Variants in NPAS3 observed in about 807,000 individuals in gnomAD.
NPAS3 encodes the protein neuronal PAS domain-containing protein 3.
A neutral mutation model predicts 73.1 loss-of-function variants in NPAS3; 14 were observed. The observed-to-expected ratio is 0.19, with a 90% CI of 0.13 to 0.30. NPAS3 has a LOEUF of 0.30. NPAS3 is among the 10% of genes least tolerant of loss of function. NPAS3 has a pLI of 1.00. For synonymous variants in NPAS3, 620 were observed against 541.5 expected, an observed-to-expected ratio of 1.14 and a Z score of -2.01; for missense variants, 1,096 against 1,250.0, an observed-to-expected ratio of 0.88 and a Z score of 1.86.
At chr14:33,719,222 G>A (rs192587196) in intron 6 of NPAS3, among the ~76,000 whole-genome samples, 61 of 152,234 alleles carry the variant, frequency 4.0e-4, no homozygotes, top group African/African-American at 1.5e-3. Flanking sequence ...CCATATCTGT[G>A]GTCATCATCC....
intron 4 of NPAS3, among the ~76,000 whole-genome samples, chr14:33,527,240 C>T (rs2053841479): frequency 6.6e-6 from 1 of 152,120 alleles, no homozygotes; most frequent in African/African-American, 2.4e-5. Context: ...CAGGGGTGCT[C>T]CGAAGTGAGC....
At chr14:33,151,642 TTC>T (rs1181223136) in intron 2 of NPAS3, among the ~76,000 whole-genome samples, 1 of 152,214 alleles carries the variant, frequency 6.6e-6, no homozygotes, top group Non-Finnish European at 1.5e-5. Context: ...CAGTTATTTA[TTC>T]TTTTTGCTAT....
At chr14:33,598,819 G>A (rs531233155) in intron 5 of NPAS3, among the ~76,000 whole-genome samples, 1 of 152,282 alleles carries the variant, frequency 6.6e-6, no homozygotes, top group South Asian at 2.1e-4. Flanking sequence ...GTTAATGTGT[G>A]ACTGTTAAAG....
At chr14:33,262,526 G>T (rs2049011833) in intron 3 of NPAS3, among the ~76,000 whole-genome samples, 1 of 152,126 alleles carries the variant, frequency 6.6e-6, no homozygotes, top group Admixed American at 6.5e-5. Context: ...ATGATGAAAT[G>T]TTAAAATTGT....
At chr14:33,587,809 A>C (rs7148611) in intron 5 of NPAS3, among the ~76,000 whole-genome samples, 14,451 of 152,224 alleles carry the variant, frequency 0.095, 908 homozygotes, top group East Asian at 0.32. Context: ...CCAAATCATA[A>C]ATTATCATAT....
At chr14:33,389,791 T>C (rs1468497563) in intron 4 of NPAS3, among the ~76,000 whole-genome samples, 1 of 152,204 alleles carries the variant, frequency 6.6e-6, no homozygotes, top group Non-Finnish European at 1.5e-5. Flanking sequence ...TTTTTACAAA[T>C]CAAACACAAA....
chr14:33,270,150 C>G (rs1392041488), intron 3 of NPAS3, among the ~76,000 whole-genome samples: 1 of 152,142 alleles, frequency 6.6e-6, no homozygotes, highest in African/African-American at 2.4e-5. Flanking sequence ...CAGTCATTGA[C>G]TTATTCCCCT....
intron 2 of NPAS3, among the ~76,000 whole-genome samples, chr14:33,110,235 G>T (rs769721569): frequency 2.0e-5 from 3 of 152,010 alleles, no homozygotes; most frequent in Non-Finnish European, 2.9e-5. Flanking sequence ...GTTTACATAT[G>T]ACTGATCTTT....
chr14:32,980,559 TAATTA>T (rs952025786), intron 1 of NPAS3, among the ~76,000 whole-genome samples: 1 of 152,232 alleles, frequency 6.6e-6, no homozygotes, highest in Non-Finnish European at 1.5e-5. Flanking sequence ...GAATTTGGAA[TAATTA>T]AATTATACTT....
intron 3 of NPAS3, among the ~76,000 whole-genome samples, chr14:33,278,820 TA>T (rs1215161122): frequency 3.3e-5 from 5 of 152,288 alleles, no homozygotes; most frequent in Admixed American, 3.3e-4. Flanking sequence ...GCTTTTATCT[TA>T]AAAAATGTTA....
At chr14:33,128,348 T>C (rs1218429579) in intron 2 of NPAS3, among the ~76,000 whole-genome samples, 3 of 152,166 alleles carry the variant, frequency 2.0e-5, no homozygotes, top group Admixed American at 2.0e-4. Context: ...CAATCAACAA[T>C]ATAAGTTAAA....
At chr14:33,180,792 C>A (rs1032395411) in intron 2 of NPAS3, among the ~76,000 whole-genome samples, 1 of 83,790 alleles carries the variant, frequency 1.2e-5, no homozygotes, top group Non-Finnish European at 2.1e-5. Flanking sequence ...GAGCGAGACA[C>A]TGTCTCCAAG....
intron 4 of NPAS3, among the ~76,000 whole-genome samples, chr14:33,477,803 T>C (rs2051114016): frequency 6.6e-6 from 1 of 152,220 alleles, no homozygotes; most frequent in African/African-American, 2.4e-5. Context: ...TTTGAAATAC[T>C]TAGCTTTGCT....
intron 3 of NPAS3, among the ~76,000 whole-genome samples, chr14:33,236,259 G>C: frequency 6.6e-6 from 1 of 151,990 alleles, no homozygotes; most frequent in South Asian, 2.1e-4. Context: ...CTGACCATCA[G>C]GTTCCCTCAT....
intron 4 of NPAS3, among the ~76,000 whole-genome samples, chr14:33,523,201 A>C (rs1476736008): frequency 1.3e-5 from 2 of 152,250 alleles, no homozygotes; most frequent in Non-Finnish European, 2.9e-5. Context: ...GATTCAGAGG[A>C]GGAAGCACGT....
intron 3 of NPAS3, among the ~76,000 whole-genome samples, chr14:33,295,748 C>A (rs548287131): frequency 1.3e-5 from 2 of 152,270 alleles, no homozygotes; most frequent in Non-Finnish European, 2.9e-5. Flanking sequence ...GGAGTTATAT[C>A]GGTTCAAACA....
chr14:33,610,119 C>T (rs979684079), intron 5 of NPAS3, among the ~76,000 whole-genome samples: 13 of 152,010 alleles, frequency 8.6e-5, no homozygotes, highest in East Asian at 5.8e-4. Flanking sequence ...CCTCCCAAAC[C>T]AGTGTTGGAA....
chr14:33,630,370 G>A lies in NPAS3; in HGVS notation c.559-45841G>A, dbSNP rs143385178. Among the ~76,000 whole-genome samples, 419 of 152,226 alleles carry A rather than the reference G, an allele frequency of 2.8e-3. 2 individuals carry two copies. The highest frequency in any genetic ancestry group is 9.4e-3 in the African/African-American group (392 of 41,526). On this transcript the variant is annotated intron_variant, in intron 5 of 11. Transcript: ENST00000356141. Reference sequence around the variant, plus strand: ...GCAGTTTAATCAGGACTGGGATTTGGGCAATGGCTCCAGCCCCCTCCTAAC... The same window carrying A: ...GCAGTTTAATCAGGACTGGGATTTGAGCAATGGCTCCAGCCCCCTCCTAAC...
At chr14:32,950,984 T>C (rs1047919242) in intron 1 of NPAS3, among the ~76,000 whole-genome samples, 2 of 152,040 alleles carry the variant, frequency 1.3e-5, no homozygotes, top group Non-Finnish European at 2.9e-5. Context: ...CAGTAATAAA[T>C]GTGTACTTAA....
Sources: gnomAD v4.1 joint callset for allele counts (sites outside exome capture counted in the v4.1 genomes callset) on GRCh38, gnomAD v4.1.1 for gene constraint, MANE v1.5 for transcripts, NCBI Gene and HGNC (gene_info 2026-07-23, HGNC 2026-07-21) for gene names.